Variants in AP1AR observed in about 807,000 individuals in gnomAD.
The protein encoded by AP1AR is adaptor related protein complex 1 associated regulatory protein, also known as AP-1 complex-associated regulatory protein.
In AP1AR, 29 loss-of-function variants were observed where a neutral mutation model predicts 46.3. The observed-to-expected ratio is 0.63, with a 90% confidence interval of 0.47 to 0.85. The LOEUF is 0.85. Among genes scored for constraint, AP1AR ranks in the 40% least tolerant of loss-of-function variants. The pLI, the probability that AP1AR is intolerant of heterozygous loss-of-function variation, is 0.00. For missense variants in AP1AR, 357 were observed against 356.3 expected, an observed-to-expected ratio of 1.00 and a Z score of -0.02; for synonymous variants, 122 against 122.9, an observed-to-expected ratio of 0.99 and a Z score of 0.05.
At chr4:112,267,994 T>C in intron 9 of AP1AR, 150 bp from the exon 10 acceptor site, 1 of 682,662 alleles carries the variant, frequency 1.5e-6, no homozygotes, top group Non-Finnish European at 2.2e-6. Flanking sequence ...ACAATTTCCC[T>C]TAAGAAGGCC....
chr4:112,232,400 T>C (rs1015317632), intron 1 of AP1AR, among the ~76,000 whole-genome samples: 1 of 152,214 alleles, frequency 6.6e-6, no homozygotes, highest in African/African-American at 2.4e-5. Context: ...GTGTCCCTCC[T>C]GCCAGGGCGC....
intron 3 of AP1AR, among the ~76,000 whole-genome samples, chr4:112,256,605 T>G (rs1378883682): frequency 6.6e-6 from 1 of 152,248 alleles, no homozygotes; most frequent in Non-Finnish European, 1.5e-5. Context: ...TGTCATCCTG[T>G]TTTGTAGTGC....
At chr4:112,255,241 G>A (rs1358897335) in intron 3 of AP1AR, among the ~76,000 whole-genome samples, 1 of 151,668 alleles carries the variant, frequency 6.6e-6, no homozygotes, top group Non-Finnish European at 1.5e-5. Flanking sequence ...TTTCAGGTGT[G>A]AGCCACCGCG....
rs200811381 is a variant in AP1AR at position 112,232,080 on chromosome 4, G to A, written c.-12G>A. On this transcript the variant is annotated 5_prime_UTR_variant, in exon 1 of 10. Transcript: ENST00000274000. ...AGGAGGAGGAGGAGCGGCGGCGCCT[G>A]GGCGGCATGCGATGGGGAACTGCTG... The A allele has an allele frequency of 3.0e-4, 412 of 1,351,854 alleles. 1 individual carries two copies. In the African/African-American group the frequency reaches 5.5e-3, roughly 18 times the overall value. 83.7% of individuals were successfully genotyped at this position (1,351,854 alleles called of 1,614,324 possible).
chr4:112,245,489 G>A (rs571762062), intron 1 of AP1AR, among the ~76,000 whole-genome samples: 28 of 152,198 alleles, frequency 1.8e-4, no homozygotes, highest in African/African-American at 6.0e-4. Context: ...GATACTTTAC[G>A]TAATTTTTTG....
intron 1 of AP1AR, among the ~76,000 whole-genome samples, chr4:112,247,645 A>C (rs962187703): frequency 6.6e-6 from 1 of 152,138 alleles, no homozygotes; most frequent in Non-Finnish European, 1.5e-5. Context: ...ATTACTTCTC[A>C]TTACTCCCAC....
Position 112,272,115 on chromosome 4 carries a change from T to C in AP1AR, c.*3706T>C, listed in dbSNP as rs1726977850. On this transcript the variant is annotated 3_prime_UTR_variant, in exon 10 of 10. Transcript: ENST00000274000. ...AAACTGGGGAGTTGGGGATGAAGAATAAAGAACAGCTAATGCAGACAATTT... is the reference window on the plus strand; with the variant it reads ...AAACTGGGGAGTTGGGGATGAAGAACAAAGAACAGCTAATGCAGACAATTT... Among the ~76,000 whole-genome samples the C allele has an allele frequency of 6.6e-6, 1 of 152,094 alleles. No homozygotes were observed. Among genetic ancestry groups the C allele is most frequent in the Non-Finnish European group, 1.5e-5 (1 of 68,002 alleles).
rs74537736 is a variant in AP1AR at position 112,272,594 on chromosome 4, A to C, written c.*4185A>C. ...ATGGGGAAAAAAATAGGAAATAATA[A>C]ATCTCTAAGAGCCCTAAGACAAAGG... is the stretch of plus-strand genomic sequence containing the variant. On this transcript the variant is annotated 3_prime_UTR_variant, in exon 10 of 10. Transcript: ENST00000274000. 2.3e-4 allele frequency among the ~76,000 whole-genome samples: 35 copies of C among 152,202 alleles called. No individual in the cohort carries two copies. Among genetic ancestry groups the C allele is most frequent in the African/African-American group, 8.4e-4 (35 of 41,522 alleles).
At chr4:112,246,117 C>T (rs1052982259) in intron 1 of AP1AR, among the ~76,000 whole-genome samples, 3 of 152,042 alleles carry the variant, frequency 2.0e-5, no homozygotes, top group Non-Finnish European at 4.4e-5. Flanking sequence ...TCAACCAGCA[C>T]CTATATAATA....
At chr4:112,235,046 A>G (rs1578398822) in intron 1 of AP1AR, among the ~76,000 whole-genome samples, 1 of 152,258 alleles carries the variant, frequency 6.6e-6, no homozygotes, top group Non-Finnish European at 1.5e-5. Context: ...CAAAATATCA[A>G]TATCAGTGTT....
At chr4:112,243,570 G>A (rs1181559433) in intron 1 of AP1AR, among the ~76,000 whole-genome samples, 10 of 152,168 alleles carry the variant, frequency 6.6e-5, no homozygotes, top group Non-Finnish European at 1.5e-4. Flanking sequence ...CTTGGCACTT[G>A]CAGGAGCAGC....
At chr4:112,263,214 A>G in intron 6 of AP1AR, 128 bp downstream of exon 6, 1 of 655,248 alleles carries the variant, frequency 1.5e-6, no homozygotes, top group Non-Finnish European at 2.6e-6. Flanking sequence ...GTGTTTACCC[A>G]TATATTCTTA....
At chr4:112,265,594 C>A (rs1466550875) in intron 7 of AP1AR, 140 bp from the exon 8 acceptor site, 1 of 578,212 alleles carries the variant, frequency 1.7e-6, no homozygotes, top group Admixed American at 3.7e-5. Context: ...GAACTATTTT[C>A]ATTAGGTTAT....
intron 1 of AP1AR, among the ~76,000 whole-genome samples, chr4:112,242,574 T>C (rs967236543): frequency 1.2e-4 from 18 of 152,292 alleles, no homozygotes; most frequent in African/African-American, 3.8e-4. Flanking sequence ...AGCCACTGTG[T>C]GCAGAAATCA....
At chr4:112,236,131 A>G (rs1725230284) in intron 1 of AP1AR, among the ~76,000 whole-genome samples, 1 of 151,632 alleles carries the variant, frequency 6.6e-6, no homozygotes, top group Admixed American at 6.6e-5. Context: ...GCACTCTTGG[A>G]TATATTCAAT....
chr4:112,240,715 C>T (rs1387259555), intron 1 of AP1AR, among the ~76,000 whole-genome samples: 2 of 152,126 alleles, frequency 1.3e-5, no homozygotes, highest in Non-Finnish European at 2.9e-5. Flanking sequence ...TTTTTGATGA[C>T]ACCTCATCTG....
Position 112,232,065 on chromosome 4 carries a change from G to A in AP1AR, c.-27G>A. The A allele has an allele frequency of 7.4e-7, 1 of 1,352,866 alleles. No homozygotes were observed. The allele number at this position is 1,352,866 out of a possible 1,614,324, so 83.8% of individuals were successfully genotyped here. ...TGGGCATTGAGCGGGAGGAGGAGGA[G>A]GAGCGGCGGCGCCTGGGCGGCATGC... is the stretch of plus-strand genomic sequence containing the variant. On this transcript the variant is annotated 5_prime_UTR_variant, in exon 1 of 10. Transcript: ENST00000274000.
intron 4 of AP1AR, 43 bp downstream of exon 4, chr4:112,257,840 C>A: frequency 8.0e-6 from 12 of 1,495,032 alleles, no homozygotes; most frequent in South Asian, 1.3e-5. Flanking sequence ...TCTATGCAAA[C>A]TGTAAGAAAA....
At chr4:112,244,630 AT>A (rs748827829) in intron 1 of AP1AR, among the ~76,000 whole-genome samples, 3 of 152,088 alleles carry the variant, frequency 2.0e-5, no homozygotes, top group Admixed American at 6.6e-5. Context: ...TCTTTTGTAC[AT>A]CAACTCCCAA....
Sources: allele counts gnomAD v4.1 joint callset (sites outside exome capture counted in the v4.1 genomes callset), GRCh38; gene constraint gnomAD v4.1.1; transcripts MANE v1.5; gene names NCBI Gene and HGNC (gene_info 2026-07-23, HGNC 2026-07-21).